Variants in CNBD1 observed in about 807,000 individuals in gnomAD.
CNBD1 encodes the protein cyclic nucleotide binding domain containing 1.
Under a neutral mutation model 54.4 loss-of-function variants are expected in CNBD1, and 71 were observed. That is an observed-to-expected ratio of 1.30 (90% confidence interval 1.08 to 1.59). The LOEUF is 1.59. Ranked by LOEUF, CNBD1 falls within the 40% of genes most tolerant of loss-of-function variation. CNBD1 has a pLI of 0.00. For missense variants in CNBD1, 659 were observed against 518.0 expected, an observed-to-expected ratio of 1.27 and a Z score of -2.64; for synonymous variants, 182 against 170.7, an observed-to-expected ratio of 1.07 and a Z score of -0.51.
At chr8:86,887,476 C>G (rs538597207) in intron 1 of CNBD1, 66 bp from the exon 2 acceptor site, 124 of 987,840 alleles carry the variant, frequency 1.3e-4, no homozygotes, top group Non-Finnish European at 1.3e-4. Flanking sequence ...CAATTAAACT[C>G]TATTTACACA....
At chr8:87,193,203 T>G (rs978638037) in intron 4 of CNBD1, among the ~76,000 whole-genome samples, 2 of 152,182 alleles carry the variant, frequency 1.3e-5, no homozygotes, top group Non-Finnish European at 2.9e-5. Context: ...CCATAGCATA[T>G]GGGACTGAGC....
chr8:87,293,293 T>C (rs10112221), intron 8 of CNBD1, among the ~76,000 whole-genome samples: 43,009 of 152,008 alleles, frequency 0.28, 6,574 homozygotes, highest in African/African-American at 0.4. Flanking sequence ...ACCCATATCC[T>C]GGCACTTTGG....
At chr8:87,165,127 T>A (rs1304885298) in intron 4 of CNBD1, among the ~76,000 whole-genome samples, 1 of 151,960 alleles carries the variant, frequency 6.6e-6, no homozygotes, top group African/African-American at 2.4e-5. Context: ...GAAAAGATAC[T>A]TGATTAAATT....
intron 4 of CNBD1, among the ~76,000 whole-genome samples, chr8:86,972,385 A>C (rs1476243731): frequency 6.6e-6 from 1 of 152,210 alleles, no homozygotes; most frequent in Non-Finnish European, 1.5e-5. Context: ...TAAGGGAAGA[A>C]AAATGTAAGA....
chr8:87,050,011 C>A (rs748289427), intron 4 of CNBD1, among the ~76,000 whole-genome samples: 6 of 152,144 alleles, frequency 3.9e-5, no homozygotes, highest in Non-Finnish European at 8.8e-5. Context: ...GGATTGAATG[C>A]CTTTCCTATG....
At chr8:87,079,048 A>ATTT (rs35506402) in intron 4 of CNBD1, among the ~76,000 whole-genome samples, 2 of 148,700 alleles carry the variant, frequency 1.3e-5, no homozygotes, top group African/African-American at 4.9e-5. Flanking sequence ...GAAACTACCA[A>ATTT]TTTTTTTTTT....
At chr8:87,333,784 G>A (rs1321180502) in intron 8 of CNBD1, among the ~76,000 whole-genome samples, 1 of 152,116 alleles carries the variant, frequency 6.6e-6, no homozygotes, top group Non-Finnish European at 1.5e-5. Context: ...TTTTATTGAG[G>A]ATTTTCGCAC....
At chr8:86,935,495 G>C (rs1030167561) in intron 3 of CNBD1, among the ~76,000 whole-genome samples, 8 of 152,078 alleles carry the variant, frequency 5.3e-5, no homozygotes, top group African/African-American at 1.4e-4. Flanking sequence ...AGTTTTGTAA[G>C]TATTTGTTCA....
intron 4 of CNBD1, among the ~76,000 whole-genome samples, chr8:87,158,702 A>G (rs1305403462): frequency 1.3e-5 from 2 of 152,128 alleles, no homozygotes; most frequent in Non-Finnish European, 2.9e-5. Flanking sequence ...AAAGTAATGG[A>G]TGCTCTGGTA....
chr8:87,329,509 A>G (rs916189881), intron 8 of CNBD1, among the ~76,000 whole-genome samples: 1 of 152,084 alleles, frequency 6.6e-6, no homozygotes, highest in Non-Finnish European at 1.5e-5. Flanking sequence ...AATATCTTAA[A>G]ATATTGGAGC....
At chr8:86,880,641 A>G (rs771625657) in intron 1 of CNBD1, among the ~76,000 whole-genome samples, 3 of 152,222 alleles carry the variant, frequency 2.0e-5, no homozygotes, top group African/African-American at 7.2e-5. Flanking sequence ...AAGAGATGGA[A>G]TTGACAGTCT....
At chr8:87,164,722 A>T (rs1274888083) in intron 4 of CNBD1, among the ~76,000 whole-genome samples, 1 of 151,560 alleles carries the variant, frequency 6.6e-6, no homozygotes, top group East Asian at 1.9e-4. Flanking sequence ...TTATCTTGTT[A>T]AAAAATCTCC....
intron 4 of CNBD1, among the ~76,000 whole-genome samples, chr8:86,995,689 G>GGTGT (rs5893006): frequency 2.0e-5 from 3 of 149,550 alleles, no homozygotes; most frequent in African/African-American, 7.4e-5. Context: ...GTGTATGGGT[G>GGTGT]GTGTGTGTGT....
intron 4 of CNBD1, among the ~76,000 whole-genome samples, chr8:87,152,312 A>T (rs959730987): frequency 5.9e-5 from 9 of 152,074 alleles, no homozygotes; most frequent in African/African-American, 2.2e-4. Flanking sequence ...ATGATAACCA[A>T]TATTTCATTT....
intron 4 of CNBD1, among the ~76,000 whole-genome samples, chr8:87,060,568 A>G (rs903990269): frequency 1.3e-5 from 2 of 152,172 alleles, no homozygotes; most frequent in Non-Finnish European, 2.9e-5. Context: ...GAAATAAATA[A>G]CAGGCAGATT....
At chr8:86,949,910 T>A (rs1244029282) in intron 4 of CNBD1, among the ~76,000 whole-genome samples, 1 of 150,718 alleles carries the variant, frequency 6.6e-6, no homozygotes, top group African/African-American at 2.4e-5. Flanking sequence ...TTTTTGAGGG[T>A]TTTTTATTAT....
At chr8:87,076,544 G>A (rs1216007356) in intron 4 of CNBD1, among the ~76,000 whole-genome samples, 2 of 151,926 alleles carry the variant, frequency 1.3e-5, no homozygotes, top group East Asian at 3.9e-4. Context: ...CTGGGTTCAA[G>A]CGATTCTCCT....
At chr8:86,963,460 G>C (rs188157010) in intron 4 of CNBD1, among the ~76,000 whole-genome samples, 1 of 152,086 alleles carries the variant, frequency 6.6e-6, no homozygotes, top group Non-Finnish European at 1.5e-5. Context: ...GGTGCCTCAG[G>C]GGGGTGTATG....
intron 4 of CNBD1, among the ~76,000 whole-genome samples, chr8:87,178,430 A>G (rs918868357): frequency 2.0e-5 from 3 of 152,208 alleles, no homozygotes; most frequent in African/African-American, 7.2e-5. Flanking sequence ...TTGGAAATGC[A>G]AAAATCCCAA....
Sources: gnomAD v4.1 joint callset for allele counts (sites outside exome capture counted in the v4.1 genomes callset) on GRCh38, gnomAD v4.1.1 for gene constraint, MANE v1.5 for transcripts, NCBI Gene and HGNC (gene_info 2026-07-23, HGNC 2026-07-21) for gene names.